Variants in DLGAP2 observed in about 807,000 individuals in gnomAD.
DLGAP2 encodes the protein DLG associated protein 2.
DLGAP2 carries 26 observed loss-of-function variants against 100.3 expected under a neutral mutation model. That is an observed-to-expected ratio of 0.26 (90% CI 0.19 to 0.36). The LOEUF (loss-of-function observed/expected upper bound fraction) is 0.36, where lower values mean the gene tolerates loss of function less well. Among genes scored for constraint, DLGAP2 ranks in the 10% least tolerant of loss-of-function variants. DLGAP2 has a pLI of 1.00. For synonymous variants in DLGAP2, 886 were observed against 630.1 expected, an observed-to-expected ratio of 1.41 and a Z score of -6.08; for missense variants, 1,858 against 1,453.2, an observed-to-expected ratio of 1.28 and a Z score of -4.53.
chr8:853,685 G>A (rs1483495376), intron 1 of DLGAP2, among the ~76,000 whole-genome samples: 1 of 152,220 alleles, frequency 6.6e-6, no homozygotes, highest in African/African-American at 2.4e-5. Flanking sequence ...ACACCGCCCC[G>A]TGCACAGGCT....
chr8:819,916 G>A (rs1405931305), intron 1 of DLGAP2, among the ~76,000 whole-genome samples: 2 of 152,182 alleles, frequency 1.3e-5, no homozygotes, highest in South Asian at 2.1e-4. Context: ...GGTCATGAAA[G>A]TGGGAATAGG....
At chr8:1,242,356 C>G (rs890360853) in intron 2 of DLGAP2, among the ~76,000 whole-genome samples, 1 of 152,220 alleles carries the variant, frequency 6.6e-6, no homozygotes, top group African/African-American at 2.4e-5. Context: ...ATTACCTGCT[C>G]ATGGCTAGAA....
intron 8 of DLGAP2, among the ~76,000 whole-genome samples, chr8:1,661,177 T>C (rs144287045): frequency 1.2e-4 from 19 of 152,340 alleles, no homozygotes; most frequent in Non-Finnish European, 1.9e-4. Flanking sequence ...TTTCTTCCTG[T>C]TCACGTTGGA....
At chr8:1,275,305 C>T (rs1351022425) in intron 3 of DLGAP2, among the ~76,000 whole-genome samples, 1 of 151,640 alleles carries the variant, frequency 6.6e-6, no homozygotes, top group Non-Finnish European at 1.5e-5. Context: ...TACTAGATGC[C>T]CACAGAGCAG....
At chr8:1,194,203 G>A (rs557027384) in intron 2 of DLGAP2, among the ~76,000 whole-genome samples, 3 of 152,178 alleles carry the variant, frequency 2.0e-5, no homozygotes, top group South Asian at 4.1e-4. Flanking sequence ...GGGAGGCCAC[G>A]CCTTGTTCTC....
At chr8:780,633 C>T (rs1211561078) in intron 1 of DLGAP2, among the ~76,000 whole-genome samples, 2 of 152,218 alleles carry the variant, frequency 1.3e-5, no homozygotes, top group African/African-American at 2.4e-5. Flanking sequence ...CCACATTTAC[C>T]GTTGCTCCTT....
At chr8:1,420,093 C>A (rs1419430562) in intron 3 of DLGAP2, among the ~76,000 whole-genome samples, 1 of 152,272 alleles carries the variant, frequency 6.6e-6, no homozygotes, top group South Asian at 2.1e-4. Flanking sequence ...AACCTTCAGT[C>A]CCTTTTCCCT....
intron 2 of DLGAP2, among the ~76,000 whole-genome samples, chr8:1,213,033 T>C (rs1798138883): frequency 6.6e-6 from 1 of 152,140 alleles, no homozygotes; most frequent in African/African-American, 2.4e-5. Flanking sequence ...ATTTGTCTCA[T>C]GATGAGAATT....
intron 2 of DLGAP2, among the ~76,000 whole-genome samples, chr8:1,147,912 T>C (rs1205193341): frequency 6.6e-6 from 1 of 152,262 alleles, no homozygotes; most frequent in Non-Finnish European, 1.5e-5. Flanking sequence ...TTAGTGTTTT[T>C]CTATTTACGT....
chr8:865,504 G>A (rs911357400), intron 1 of DLGAP2, among the ~76,000 whole-genome samples: 7 of 152,150 alleles, frequency 4.6e-5, no homozygotes, highest in Non-Finnish European at 8.8e-5. Context: ...GTTCCCCGGG[G>A]CTGAGTTTAC....
chr8:957,545 G>A (rs936614764), intron 2 of DLGAP2, among the ~76,000 whole-genome samples: 16 of 152,166 alleles, frequency 1.1e-4, no homozygotes, highest in African/African-American at 2.4e-4. Context: ...ATGTTCTACC[G>A]TTAGAAACGG....
At chr8:972,782 G>T (rs1208490307) in intron 2 of DLGAP2, among the ~76,000 whole-genome samples, 9 of 152,190 alleles carry the variant, frequency 5.9e-5, no homozygotes, top group Non-Finnish European at 1.2e-4. Context: ...CGCGGTGTTT[G>T]TGTCCCTGGG....
intron 3 of DLGAP2, among the ~76,000 whole-genome samples, chr8:1,358,709 G>A (rs1018876495): frequency 1.3e-5 from 2 of 152,014 alleles, no homozygotes; most frequent in African/African-American, 4.8e-5. Flanking sequence ...TATCCCCACT[G>A]TGTAATCTGG....
chr8:1,243,646 C>A (rs865986897), intron 2 of DLGAP2, among the ~76,000 whole-genome samples: 1 of 152,118 alleles, frequency 6.6e-6, no homozygotes, highest in Non-Finnish European at 1.5e-5. Context: ...ATTCATGGCA[C>A]GGTTCCCATG....
intron 6 of DLGAP2, among the ~76,000 whole-genome samples, chr8:1,605,402 G>T (rs6990156): frequency 0.029 from 4,374 of 152,224 alleles, 198 homozygotes; most frequent in African/African-American, 0.098. Flanking sequence ...AAGCAAAGTG[G>T]TCTCCATATT....
chr8:855,336 C>T (rs183077404), intron 1 of DLGAP2, among the ~76,000 whole-genome samples: 44 of 152,226 alleles, frequency 2.9e-4, no homozygotes, highest in South Asian at 1.9e-3. Context: ...CGGGTGTGTA[C>T]GGTCAGGAGC....
chr8:747,019 G>C (rs1393558144), intron 1 of DLGAP2, among the ~76,000 whole-genome samples: 1 of 152,056 alleles, frequency 6.6e-6, no homozygotes, highest in Non-Finnish European at 1.5e-5. Context: ...CAGTGGCTAG[G>C]AAGGGAAATG....
intron 2 of DLGAP2, among the ~76,000 whole-genome samples, chr8:1,216,138 A>G (rs1019096273): frequency 1.3e-5 from 2 of 152,190 alleles, no homozygotes; most frequent in African/African-American, 4.8e-5. Context: ...GTGTCTAGAC[A>G]GGGGAGTGTG....
At chr8:778,677 T>C (rs1821598574) in intron 1 of DLGAP2, among the ~76,000 whole-genome samples, 4 of 152,358 alleles carry the variant, frequency 2.6e-5, no homozygotes, top group Admixed American at 6.5e-5. Flanking sequence ...AGGCACCCAC[T>C]TGAGGAGGCA....
Sources: allele counts gnomAD v4.1 joint callset (sites outside exome capture counted in the v4.1 genomes callset), GRCh38; gene constraint gnomAD v4.1.1; transcripts MANE v1.5; gene names NCBI Gene and HGNC (gene_info 2026-07-23, HGNC 2026-07-21).